The following MCRS1 variants were observed in gnomAD, a reference collection of about 807,000 sequenced individuals.
MCRS1 encodes microspherule protein 1.
MCRS1 carries 22 observed loss-of-function variants against 62.9 expected under a neutral mutation model. The ratio of observed to expected loss-of-function variants is 0.35; its 90% CI spans 0.25 to 0.50. The LOEUF is 0.50. MCRS1 is among the 20% of genes least tolerant of loss of function. The pLI, the probability that MCRS1 is intolerant of heterozygous loss-of-function variation, is 0.98. For missense variants in MCRS1, 456 were observed against 601.1 expected (o/e 0.76, Z 2.52); for synonymous variants, 244 against 233.5 (o/e 1.04, Z -0.41).
rs1938560901 is a variant in MCRS1, at chr12:49,558,331, AG to A, written c.*311del. The stretch of plus-strand genomic sequence containing the variant: ...GAACCTGGTGCTTTTTATTTACAAA[AG>A]AAAAACAATAAAAGAAGAGTCTGAG... On this transcript the variant is annotated 3_prime_UTR_variant, in exon 15 of 15. Coordinates refer to ENST00000343810, the MANE Select transcript of MCRS1 (RefSeq NM_006337.5). The A allele has an allele frequency of 2.5e-6, 1 of 405,616 alleles. No individual in the cohort carries two copies. The highest frequency in any genetic ancestry group is 1.2e-4 in the South Asian group (1 of 8,200). The allele number at this position is 405,616 out of a possible 1,614,324, so 25.1% of individuals were successfully genotyped here. A position where few individuals can be genotyped will look rare whatever the true frequency, so the allele number is the denominator to read the frequency against.
At chr12:49,566,286 A>G (rs1422429199) in intron 2 of MCRS1, 71 bp from the exon 3 acceptor site, 14 of 1,465,162 alleles carry the variant, frequency 9.6e-6, no homozygotes, top group Non-Finnish European at 1.3e-5. Context: ...ACCCCTCCCC[A>G]GCCCCCTTCC....
Position 49,558,431 on chromosome 12 carries a change from G to A in MCRS1, c.*212C>T. 3.5e-6 allele frequency: 2 copies of A among 574,404 alleles called. No homozygotes were observed. The highest frequency in any genetic ancestry group is 6.1e-6 in the Non-Finnish European group (2 of 327,536). 35.6% of individuals were successfully genotyped at this position (574,404 alleles called of 1,614,324 possible). A position where few individuals can be genotyped will look rare whatever the true frequency, so the allele number is the denominator to read the frequency against. On this transcript the variant is annotated 3_prime_UTR_variant, in exon 15 of 15. Coordinates refer to ENST00000343810, the MANE Select transcript of MCRS1 (RefSeq NM_006337.5). Reference sequence around the variant, plus strand: ...TTGTTTTTAGAGAGAGGAAGATGGGGAGGGGCTCTGGATCTAGGGAAGCCT... The same window carrying A: ...TTGTTTTTAGAGAGAGGAAGATGGGAAGGGGCTCTGGATCTAGGGAAGCCT...
intron 1 of MCRS1, among the ~76,000 whole-genome samples, chr12:49,567,060 A>C (rs991626570): frequency 6.6e-6 from 1 of 152,220 alleles, no homozygotes; most frequent in Non-Finnish European, 1.5e-5. Flanking sequence ...GGACTGCAGA[A>C]AAGGGTGCAA....
At chr12:49,563,587 G>C in intron 6 of MCRS1, 41 bp from the exon 7 acceptor site, 1 of 1,491,286 alleles carries the variant, frequency 6.7e-7, no homozygotes, top group South Asian at 1.2e-5. Flanking sequence ...TGAAGGAAAG[G>C]TGTCAAGCAA....
intron 8 of MCRS1, among the ~76,000 whole-genome samples, chr12:49,562,403 A>T (rs1938816244): frequency 6.6e-6 from 1 of 152,140 alleles, no homozygotes; most frequent in Admixed American, 6.5e-5. Flanking sequence ...AGGCAAGAGG[A>T]AGTAGGGAGC....
Position 49,566,737 on chromosome 12 carries a change from T to C in MCRS1, c.-6A>G. The C allele has an allele frequency of 6.2e-7, 1 of 1,613,826 alleles. No homozygotes were observed. Among genetic ancestry groups the C allele is most frequent in the South Asian group, 1.1e-5 (1 of 90,942 alleles). ...CTCATACTACCTTTGTCCATCCTCT[T>C]ACAGTCCCAAAGCCACTGGTTCCAA... On this transcript the variant is annotated 5_prime_UTR_variant, in exon 2 of 15. Transcript: ENST00000343810.
At position 49,564,722 on chromosome 12, in the gene MCRS1, TG is replaced by T. The variant is rs773698066; in HGVS notation, c.447+14del. 5.0e-6 allele frequency: 8 copies of T among 1,606,132 alleles called. No individual in the cohort carries two copies. Among genetic ancestry groups the T allele is most frequent in the Non-Finnish European group, 2.6e-6 (3 of 1,174,910 alleles). On this transcript the variant is annotated intron_variant, in intron 5 of 14. Transcript: ENST00000343810. The stretch of plus-strand genomic sequence containing the variant: ...GGGGGAAAGGGGCACACTGAGCCTA[TG>T]GTGGGGGCACTACCTGCAACACAGC...
chr12:49,559,669 G>T lies in MCRS1; in HGVS notation c.1003+60C>A. The T allele has an allele frequency of 6.2e-7, 1 of 1,601,082 alleles. No individual in the cohort carries two copies. Among genetic ancestry groups the T allele is most frequent in the Non-Finnish European group, 8.6e-7 (1 of 1,169,438 alleles). On this transcript the variant is annotated intron_variant, in intron 11 of 14. Transcript: ENST00000343810. This position sits in a 1 kb window ranked among gnomAD's most constrained non-coding sequence, Gnocchi z 5.2. ...GTCTCCCCAGCCAGGCAGCAACAGG[G>T]GCACAGGCTGGGGCGAAGGATGCTG...
chr12:49,560,273 T>C (rs1323112779), intron 9 of MCRS1, 22 bp downstream of exon 9: 3 of 1,612,456 alleles, frequency 1.9e-6, no homozygotes, highest in Non-Finnish European at 1.7e-6. Flanking sequence ...CTCCACCCCT[T>C]CCTGTGTCTC....
chr12:49,561,952 A>C (rs1025643215), intron 8 of MCRS1, among the ~76,000 whole-genome samples: 4 of 152,244 alleles, frequency 2.6e-5, no homozygotes, highest in Non-Finnish European at 4.4e-5. Context: ...AACTAGCTTT[A>C]GCAGTAAAAA....
At chr12:49,562,006 G>C (rs1233972178) in intron 8 of MCRS1, among the ~76,000 whole-genome samples, 1 of 152,198 alleles carries the variant, frequency 6.6e-6, no homozygotes, top group Non-Finnish European at 1.5e-5. Flanking sequence ...TGGGAATTCT[G>C]TGATATCTGA....
At chr12:49,566,470 T>C (rs746477196) in intron 2 of MCRS1, 1 of 1,561,072 alleles carries the variant, frequency 6.4e-7, no homozygotes, top group South Asian at 1.2e-5. Flanking sequence ...CAGGTCAGAC[T>C]GGTGATGCCG....
In MCRS1 at chr12:49,564,729, G is replaced by C. The variant is rs1261372203; in HGVS notation, c.447+8C>G. The C allele has an allele frequency of 6.2e-7, 1 of 1,607,726 alleles. No homozygotes were observed. Among genetic ancestry groups the C allele is most frequent in the South Asian group, 1.1e-5 (1 of 90,200 alleles). On this transcript the variant is annotated splice_region_variant and intron_variant, in intron 5 of 14. Coordinates refer to ENST00000343810, the MANE Select transcript of MCRS1 (RefSeq NM_006337.5). ...AGGGGCACACTGAGCCTATGGTGGG[G>C]GCACTACCTGCAACACAGCATTTAT...
In MCRS1 at chr12:49,565,558, T is replaced by C. The variant is rs1265562953; in HGVS notation, c.259A>G (p.Ser87Gly). 1 of 1,607,644 alleles carries C rather than the reference T, an allele frequency of 6.2e-7. No individual in the cohort carries two copies. The highest frequency in any genetic ancestry group is 2.2e-5 in the East Asian group (1 of 44,870). ...SGVEPGRCSGSEPSSSEKKKV... is the reference protein window; with the variant it reads ...SGVEPGRCSGGEPSSSEKKKV... ...TTCTTCTCACTGGAGGAGGGTTCAC[T>C]CCCCGAACAGCGCCCTGGTTCCACC... The change falls in exon 4 of 15, where the codon AGT (serine) becomes GGT (glycine). Residue 87 changes from serine (S) to glycine (G), a missense_variant. This residue lies in a region of MCRS1 where 393 missense variants were observed against 523.5 expected (regional missense o/e 0.75). Transcript: ENST00000343810.
In MCRS1 at chr12:49,559,209, G is replaced by GA. The variant is rs1382698997; in HGVS notation, c.1174+4dup. Reference sequence around the variant, plus strand: ...CTTCCTGCTGGGGCAGGGGGTGGGGGATACCTTGTTTCCGGGATATCTTCC... The same window carrying GA: ...CTTCCTGCTGGGGCAGGGGGTGGGGGAATACCTTGTTTCCGGGATATCTTCC... On this transcript the variant is annotated splice_donor_region_variant and intron_variant, in intron 13 of 14. Transcript: ENST00000343810. This position sits in a 1 kb window ranked among gnomAD's most constrained non-coding sequence, Gnocchi z 5.2. 1.2e-6 allele frequency: 2 copies of GA among 1,613,038 alleles called. No homozygotes were observed. Among genetic ancestry groups the GA allele is most frequent in the African/African-American group, 1.3e-5 (1 of 74,910 alleles).
rs1170162563 is a variant in MCRS1 at position 49,561,068 on chromosome 12, A to G, written c.806-698T>C. On this transcript the variant is annotated intron_variant, in intron 8 of 14. Transcript: ENST00000343810. ...AAGTCTGTTTTTTTTTCTGGCCACAATGTGAAAGGAAGTCGGGAACAGTGG... is the reference window on the plus strand; with the variant it reads ...AAGTCTGTTTTTTTTTCTGGCCACAGTGTGAAAGGAAGTCGGGAACAGTGG... Among the ~76,000 whole-genome samples, 8 of 152,274 alleles carry G rather than the reference A, an allele frequency of 5.3e-5. No homozygotes were observed. In the East Asian group the frequency reaches 1.2e-3, roughly 22 times the overall value.
chr12:49,567,088 G>A (rs1468428055), intron 1 of MCRS1, among the ~76,000 whole-genome samples: 4 of 152,148 alleles, frequency 2.6e-5, no homozygotes, highest in African/African-American at 7.2e-5. Context: ...CTATTTTAGA[G>A]GGTTCATAGA....
At position 49,565,637 on chromosome 12, in the gene MCRS1, CTCA is replaced by C. The variant is rs1433315270; in HGVS notation, c.177_179del (p.Asp59del). On this transcript the variant is annotated inframe_deletion, in exon 4 of 15. Coordinates refer to ENST00000343810, the MANE Select transcript of MCRS1 (RefSeq NM_006337.5). Reference sequence around the variant, plus strand: ...ATTTTGCCAGGCTGCTCTCCACCAGCTCATCATCGAACTTCTTCCTCTTGATGA... The same window carrying C: ...ATTTTGCCAGGCTGCTCTCCACCAGCTCATCGAACTTCTTCCTCTTGATGA... The C allele has an allele frequency of 6.2e-7, 1 of 1,614,152 alleles. No individual in the cohort carries two copies.
At position 49,564,871 on chromosome 12, in the gene MCRS1, C is replaced by T. The variant is rs746952087; in HGVS notation, c.313G>A (p.Val105Met). ...GGGGCTGGGGCTGGGCTGGGTGGCACAGGAGTGCTGGGGGCTTTGGATACC... is the reference window on the plus strand; with the variant it reads ...GGGGCTGGGGCTGGGCTGGGTGGCATAGGAGTGCTGGGGGCTTTGGATACC... ...KKVSKAPSTP[V>M]PPSPAPAPGL... Residue 105 changes from valine to methionine, a missense_variant, in exon 5 of 15, where the codon GTG (valine) becomes ATG (methionine). By Grantham distance (21) the Val-to-Met change is conservative. Coordinates refer to ENST00000343810, the MANE Select transcript of MCRS1 (RefSeq NM_006337.5). 1.6e-5 allele frequency: 25 copies of T among 1,609,056 alleles called. No individual in the cohort carries two copies. Among genetic ancestry groups the T allele is most frequent in the Non-Finnish European group, 2.0e-5 (24 of 1,177,096 alleles).
Sources: gnomAD v4.1 joint callset for allele counts (sites outside exome capture counted in the v4.1 genomes callset) on GRCh38, gnomAD v4.1.1 for gene constraint, gnomAD v4.1.1 regional missense constraint, Gnocchi (gnomAD v3.1) non-coding constraint, MANE v1.5 for transcripts, NCBI Gene and HGNC (gene_info 2026-07-23, HGNC 2026-07-21) for gene names.